The following PPFIBP1 variants were observed in gnomAD, a reference collection of about 807,000 sequenced individuals.
PPFIBP1 encodes the protein liprin-beta-1.
A neutral mutation model predicts 137.8 loss-of-function variants in PPFIBP1; 112 were observed. The observed-to-expected ratio is 0.81, with a 90% CI of 0.70 to 0.95. The LOEUF (loss-of-function observed/expected upper bound fraction) is 0.95. PPFIBP1 is among the 40% of genes least tolerant of loss of function. The probability of loss-of-function intolerance (pLI) is 0.00; values close to 1 mark genes in which losing one functional copy is unlikely to be tolerated. For missense variants in PPFIBP1, 1,083 were observed against 1,196.6 expected (o/e 0.91, Z 1.40); for synonymous variants, 378 against 417.3 (o/e 0.91, Z 1.15).
At chr12:27,620,378 C>G (rs10771351) in intron 2 of PPFIBP1, among the ~76,000 whole-genome samples, 49,812 of 152,100 alleles carry the variant, frequency 0.33, 8,466 homozygotes, top group South Asian at 0.44. Context: ...CCACTAACCT[C>G]AAACATCAAC....
intron 1 of PPFIBP1, among the ~76,000 whole-genome samples, chr12:27,550,803 G>T (rs2136191556): frequency 6.6e-6 from 1 of 152,032 alleles, no homozygotes; most frequent in South Asian, 2.1e-4. Flanking sequence ...CACATGTAAG[G>T]GCTTGCAATC....
intron 7 of PPFIBP1, among the ~76,000 whole-genome samples, chr12:27,651,597 G>A (rs1398395918): frequency 1.3e-5 from 2 of 151,936 alleles, no homozygotes; most frequent in Admixed American, 6.6e-5. Flanking sequence ...CCCCATAGTC[G>A]CAGGGTAAAG....
chr12:27,676,892 A>G (rs2060547731), intron 18 of PPFIBP1, 172 bp from the exon 19 acceptor site: 1 of 841,922 alleles, frequency 1.2e-6, no homozygotes, highest in African/African-American at 1.7e-5. Flanking sequence ...TAGTGGATAA[A>G]TTAACATTGA....
At chr12:27,590,101 C>T (rs1426538122) in intron 2 of PPFIBP1, among the ~76,000 whole-genome samples, 1 of 152,180 alleles carries the variant, frequency 6.6e-6, no homozygotes. Context: ...AGACAGGATA[C>T]ATTAAAAACA....
chr12:27,616,671 G>A (rs1311176890), intron 2 of PPFIBP1, among the ~76,000 whole-genome samples: 2 of 152,214 alleles, frequency 1.3e-5, no homozygotes, highest in Non-Finnish European at 2.9e-5. Flanking sequence ...TTGTCTGAAA[G>A]CTTGGCATGA....
intron 1 of PPFIBP1, among the ~76,000 whole-genome samples, chr12:27,567,261 T>A (rs571110849): frequency 6.6e-6 from 1 of 152,202 alleles, no homozygotes; most frequent in Non-Finnish European, 1.5e-5. Context: ...AAGGAACCTG[T>A]AGATTGAAAC....
At chr12:27,640,027 T>C (rs949553803) in intron 4 of PPFIBP1, among the ~76,000 whole-genome samples, 1 of 152,232 alleles carries the variant, frequency 6.6e-6, no homozygotes, top group Non-Finnish European at 1.5e-5. Flanking sequence ...GTATCCCATA[T>C]GTGATCACAA....
At chr12:27,603,044 G>C (rs1469969616) in intron 2 of PPFIBP1, among the ~76,000 whole-genome samples, 1 of 152,142 alleles carries the variant, frequency 6.6e-6, no homozygotes, top group East Asian at 1.9e-4. Flanking sequence ...ATAATGTCAA[G>C]GCTCCTACAT....
chr12:27,541,252 T>A (rs1352986852), intron 1 of PPFIBP1, among the ~76,000 whole-genome samples: 8 of 150,740 alleles, frequency 5.3e-5, no homozygotes, highest in Admixed American at 2.6e-4. Context: ...TGTGTGTGTG[T>A]GAGAGAGAGA....
In PPFIBP1 at chr12:27,648,921, G is replaced by C. The variant is rs749511821; in HGVS notation, c.471+1079G>C. Reference sequence around the variant, plus strand: ...CAAAATAATAGTTTCCATGAATAAGGCCTAGTATTTAGTAGCACGTCAGGG... The same window carrying C: ...CAAAATAATAGTTTCCATGAATAAGCCCTAGTATTTAGTAGCACGTCAGGG... On this transcript the variant is annotated intron_variant, in intron 6 of 29. Coordinates refer to ENST00000228425, the MANE Select transcript of PPFIBP1 (RefSeq NM_003622.4). 2.2e-4 allele frequency among the ~76,000 whole-genome samples: 34 copies of C among 152,216 alleles called. 1 individual carries two copies. The Middle Eastern group carries it at 0.027, about 122-fold the overall frequency.
At chr12:27,604,073 G>A (rs1289808956) in intron 2 of PPFIBP1, among the ~76,000 whole-genome samples, 2 of 152,242 alleles carry the variant, frequency 1.3e-5, no homozygotes, top group African/African-American at 4.8e-5. Context: ...GTTCTCTAGG[G>A]GACTATAAAG....
chr12:27,680,000 G>A lies in PPFIBP1; in HGVS notation c.1834G>A (p.Gly612Arg). 1.2e-6 allele frequency: 2 copies of A among 1,614,098 alleles called. No individual in the cohort carries two copies. The highest frequency in any genetic ancestry group is 1.7e-6 in the Non-Finnish European group (2 of 1,179,980). The change falls in exon 21 of 30, where the codon GGG becomes AGG. Residue 612 changes from glycine (G) to arginine (R), a missense_variant. Coordinates refer to ENST00000228425, the MANE Select transcript of PPFIBP1 (RefSeq NM_003622.4). ...GTCTGAGCCTGAATTCAAAAGAGGAGGGACAAGGGCAACCGCGGGGCCCCG... is the reference window on the plus strand; with the variant it reads ...GTCTGAGCCTGAATTCAAAAGAGGAAGGACAAGGGCAACCGCGGGGCCCCG... ...DMSEPEFKRG[G>R]TRATAGPRLG...
At chr12:27,631,616 A>C (rs779513569) in intron 2 of PPFIBP1, among the ~76,000 whole-genome samples, 15 of 152,158 alleles carry the variant, frequency 9.9e-5, no homozygotes, top group African/African-American at 3.6e-4. Context: ...TGAATTGGAA[A>C]TTTTTAAAGA....
chr12:27,614,035 G>C (rs544920753), intron 2 of PPFIBP1, among the ~76,000 whole-genome samples: 124 of 152,164 alleles, frequency 8.1e-4, no homozygotes, highest in African/African-American at 3.0e-3. Context: ...AATGGTTTTA[G>C]CAGACATTTG....
chr12:27,557,077 TG>T (rs1199558494), intron 1 of PPFIBP1, among the ~76,000 whole-genome samples: 1 of 152,160 alleles, frequency 6.6e-6, no homozygotes, highest in Non-Finnish European at 1.5e-5. Context: ...CCTTCATGAC[TG>T]GTTTCCATAT....
At chr12:27,597,638 T>TG (rs2053472757) in intron 2 of PPFIBP1, among the ~76,000 whole-genome samples, 1 of 152,162 alleles carries the variant, frequency 6.6e-6, no homozygotes, top group African/African-American at 2.4e-5. Flanking sequence ...AACTATGTTT[T>TG]GTCATTACTC....
At chr12:27,658,350 A>C (rs2059342624) in intron 9 of PPFIBP1, among the ~76,000 whole-genome samples, 1 of 152,058 alleles carries the variant, frequency 6.6e-6, no homozygotes, top group Admixed American at 6.6e-5. Flanking sequence ...CTGCATCCTC[A>C]CTGGACTCAT....
At chr12:27,692,545 GA>G (rs1430353753) in intron 28 of PPFIBP1, 45 bp from the exon 29 acceptor site, 2 of 1,583,846 alleles carry the variant, frequency 1.3e-6, no homozygotes, top group Non-Finnish European at 1.7e-6. Flanking sequence ...CACTTTCCCT[GA>G]AATTGTGAAA....
At chr12:27,531,416 C>T (rs1372490424) in intron 1 of PPFIBP1, among the ~76,000 whole-genome samples, 2 of 152,230 alleles carry the variant, frequency 1.3e-5, no homozygotes, top group Admixed American at 1.3e-4. Flanking sequence ...CCTCAGCCTC[C>T]CAGGGAGCTG....
Sources: gnomAD v4.1 joint callset for allele counts (sites outside exome capture counted in the v4.1 genomes callset) on GRCh38, gnomAD v4.1.1 for gene constraint, MANE v1.5 for transcripts, NCBI Gene and HGNC (gene_info 2026-07-23, HGNC 2026-07-21) for gene names.